Variants in MATR3 observed in about 807,000 individuals in gnomAD.
The protein encoded by MATR3 is matrin-3.
Under a neutral mutation model 85.5 loss-of-function variants are expected in MATR3, and 4 were observed. The observed-to-expected ratio is 0.05, with a 90% CI of 0.02 to 0.11. The LOEUF (loss-of-function observed/expected upper bound fraction) is 0.11, where lower values mean the gene tolerates loss of function less well. Ranked by LOEUF, MATR3 falls within the 10% of genes least tolerant of loss-of-function variation. The probability of loss-of-function intolerance (pLI) is 1.00; values close to 1 mark genes in which losing one functional copy is unlikely to be tolerated. For synonymous variants in MATR3, 336 were observed against 343.1 expected, an observed-to-expected ratio of 0.98 and a Z score of 0.23; for missense variants, 685 against 1,016.1, an observed-to-expected ratio of 0.67 and a Z score of 4.43.
At chr5:139,325,019 G>A (rs1045765808) in intron 12 of MATR3, among the ~76,000 whole-genome samples, 10 of 151,840 alleles carry the variant, frequency 6.6e-5, no homozygotes, top group African/African-American at 1.5e-4. Context: ...GTGAAACCCC[G>A]TCTCTACTAA....
chr5:139,316,355 C>G (rs1354653495), intron 5 of MATR3, among the ~76,000 whole-genome samples, 167 bp downstream of exon 5: 1 of 152,146 alleles, frequency 6.6e-6, no homozygotes, highest in Admixed American at 6.5e-5. Flanking sequence ...AAGCAGTTCT[C>G]CTGCTTCAGC....
At chr5:139,299,545 C>T (rs1165800446) in intron 1 of MATR3, among the ~76,000 whole-genome samples, 6 of 152,126 alleles carry the variant, frequency 3.9e-5, no homozygotes, top group Non-Finnish European at 4.4e-5. Context: ...TATAGTGGTG[C>T]ATGCCTGTGG....
At chr5:139,315,991 T>C (rs2054626612) in intron 4 of MATR3, 85 bp from the exon 5 acceptor site, 1 of 1,024,748 alleles carries the variant, frequency 9.8e-7, no homozygotes, top group Non-Finnish European at 1.6e-6. Flanking sequence ...TGTGGTCATA[T>C]ATTGGGGTGC....
At chr5:139,320,743 C>CT (rs1175972721) in intron 9 of MATR3, among the ~76,000 whole-genome samples, 1,613 of 102,434 alleles carry the variant, frequency 0.016, 107 homozygotes, top group East Asian at 0.036. Flanking sequence ...AAGCTTATTA[C>CT]TTTTTTTTTT....
chr5:139,294,099 A>T, intron 1 of MATR3: 1 of 1,242,730 alleles, frequency 8.0e-7, no homozygotes. Context: ...TTGGGTGAAG[A>T]GGTGCGCTGA....
rs948537324 is a variant in MATR3 at position 139,322,660 on chromosome 5, G to A, written c.1841G>A (p.Gly614Asp). Reference protein sequence around the residue: ...SPSDKKSKTDGSQKTESSTEG... With the variant: ...SPSDKKSKTDDSQKTESSTEG... ...AGTGATAAGAAATCCAAAACTGATGGTTCCCAGAAGACTGAGAGTTCAACC... is the reference window on the plus strand; with the variant it reads ...AGTGATAAGAAATCCAAAACTGATGATTCCCAGAAGACTGAGAGTTCAACC... Residue 614 changes from glycine (G) to aspartate (D), a missense_variant, in exon 12 of 15, where the codon GGT (glycine) becomes GAT (aspartate). Gly to Asp is a moderately conservative substitution (Grantham distance 94). This residue lies in a region of MATR3 where 215 missense variants were observed against 194.7 expected (regional missense o/e 1.10). Coordinates refer to ENST00000394805, the MANE Select transcript of MATR3 (RefSeq NM_018834.6). 1.2e-6 allele frequency: 2 copies of A among 1,614,110 alleles called. No individual in the cohort carries two copies. The highest frequency in any genetic ancestry group is 2.2e-5 in the South Asian group (2 of 91,074).
chr5:139,310,668 G>A (rs772441516), intron 2 of MATR3: 6 of 152,140 alleles, frequency 3.9e-5, no homozygotes, highest in Admixed American at 1.3e-4. Flanking sequence ...TTACTGTGAA[G>A]TAAGAAACTT....
chr5:139,327,215 G>A (rs1206533494), intron 14 of MATR3, among the ~76,000 whole-genome samples: 1 of 151,612 alleles, frequency 6.6e-6, no homozygotes, highest in East Asian at 1.9e-4. Context: ...TAGTTACTCA[G>A]TCATTAGATA....
chr5:139,292,072 C>T (rs1274301207), upstream of MATR3: 1 of 151,316 alleles, frequency 6.6e-6, no homozygotes, highest in East Asian at 1.9e-4. Flanking sequence ...TCCTCCGTAC[C>T]AGGTGAGTAG....
intron 14 of MATR3, among the ~76,000 whole-genome samples, chr5:139,327,774 A>G (rs576494065): frequency 7.5e-4 from 114 of 152,140 alleles, no homozygotes; most frequent in Admixed American, 1.4e-3. Flanking sequence ...GTCAAAAACT[A>G]TATGTATTGT....
chr5:139,325,062 G>A (rs1488818852), intron 12 of MATR3, among the ~76,000 whole-genome samples: 2 of 151,974 alleles, frequency 1.3e-5, no homozygotes, highest in South Asian at 2.1e-4. Flanking sequence ...GCGTGGTGGC[G>A]TGCGCCTGTA....
In MATR3 at chr5:139,318,965, A is replaced by G. The variant is rs748098389; in HGVS notation, c.1366A>G (p.Thr456Ala). ...DAQAAVDYYTTTPALVFGKPV... is the reference protein window; with the variant it reads ...DAQAAVDYYTATPALVFGKPV... ...TCAGGCCGCAGTGGATTATTACACA[A>G]CCACACCAGCGTTAGTATTTGGCAA... Residue 456 changes from threonine to alanine, a missense_variant, in exon 8 of 15, where the codon ACC becomes GCC. Thr to Ala is a moderately conservative substitution (Grantham distance 58, BLOSUM62 0). This residue lies in a region of MATR3 where 32 missense variants were observed against 88.0 expected (regional missense o/e 0.36). Transcript: ENST00000394805. The G allele has an allele frequency of 3.7e-6, 6 of 1,613,938 alleles. No individual in the cohort carries two copies. In the African/African-American group the frequency reaches 8.0e-5, roughly 22 times the overall value.
intron 2 of MATR3, chr5:139,313,619 C>A (rs1032236990): frequency 6.6e-6 from 1 of 152,074 alleles, no homozygotes. Flanking sequence ...ATAAGAGTTA[C>A]TTCAATTTAA....
chr5:139,314,821 G>C (rs942472980), intron 3 of MATR3, 85 bp downstream of exon 3: 10 of 1,191,568 alleles, frequency 8.4e-6, no homozygotes, highest in Admixed American at 5.3e-5. Flanking sequence ...TCATTTACTT[G>C]TAATATCCAC....
chr5:139,307,599 T>C lies in MATR3; in HGVS notation c.184T>C (p.Ser62Pro), dbSNP rs1357612214. 2.5e-6 allele frequency: 4 copies of C among 1,614,068 alleles called. No homozygotes were observed. The highest frequency in any genetic ancestry group is 3.4e-6 in the Non-Finnish European group (4 of 1,180,034). ...LASLMNLGMS[S>P]SLNQQGAHSA... ...TAGTTTAATGAATCTTGGAATGAGTTCTTCATTGAATCAACAAGGAGCTCA... is the reference window on the plus strand; with the variant it reads ...TAGTTTAATGAATCTTGGAATGAGTCCTTCATTGAATCAACAAGGAGCTCA... Residue 62 changes from serine (S) to proline (P), a missense_variant, in exon 2 of 15, where the codon TCT becomes CCT. By Grantham distance (74) the Ser-to-Pro change is moderately conservative. Around this residue, in one of 9 missense-constraint regions of MATR3, gnomAD observed 57 missense variants for 68.6 expected, o/e 0.83. Transcript: ENST00000394805. The surrounding 1 kb of genome is among the most constrained non-coding windows in gnomAD (Gnocchi z 4.4).
chr5:139,322,944 G>A lies in MATR3; in HGVS notation c.2125G>A (p.Ala709Thr), dbSNP rs563901227. ...AVKKDGSASA[A>T]AKKKLKKVDK... is the part of the protein sequence containing the mutation. ...GAAAAAAGATGGAAGTGCTTCAGCA[G>A]CAGCAAAGAAAAAGCTTAAAAAGGT... Residue 709 changes from alanine to threonine, a missense_variant, in exon 12 of 15, where the codon GCA becomes ACA. Coordinates refer to ENST00000394805, the MANE Select transcript of MATR3 (RefSeq NM_018834.6). 6 of 1,614,020 alleles carry A rather than the reference G, an allele frequency of 3.7e-6. No individual in the cohort carries two copies. The highest frequency in any genetic ancestry group is 1.1e-5 in the South Asian group (1 of 91,070).
In MATR3 at chr5:139,307,327, C is replaced by G; in HGVS notation, c.-89C>G. 6.6e-7 allele frequency: 1 copy of G among 1,525,774 alleles called. No individual in the cohort carries two copies. Among genetic ancestry groups the G allele is most frequent in the Non-Finnish European group, 8.7e-7 (1 of 1,147,000 alleles). The allele number at this position is 1,525,774 out of a possible 1,614,324, so 94.5% of individuals were successfully genotyped here. A position where few individuals can be genotyped will look rare whatever the true frequency, so the allele number is the denominator to read the frequency against. ...GTTACCATTTTTGAAGCAAAGTTAACCTAGCTTTCTAGTTTGAGCTTTCTT... is the reference window on the plus strand; with the variant it reads ...GTTACCATTTTTGAAGCAAAGTTAAGCTAGCTTTCTAGTTTGAGCTTTCTT... On this transcript the variant is annotated 5_prime_UTR_variant, in exon 2 of 15. Transcript: ENST00000394805. This position sits in a 1 kb window ranked among gnomAD's most constrained non-coding sequence, Gnocchi z 4.4.
At chr5:139,319,130 G>C in intron 8 of MATR3, 97 bp downstream of exon 8, 2 of 1,400,606 alleles carry the variant, frequency 1.4e-6, no homozygotes, top group Non-Finnish European at 2.0e-6. Flanking sequence ...GGCCAGGTGT[G>C]GTGGCTCACG....
chr5:139,321,603 C>T (rs1302366540), intron 9 of MATR3, among the ~76,000 whole-genome samples: 6 of 151,996 alleles, frequency 3.9e-5, no homozygotes, highest in Admixed American at 2.6e-4. Flanking sequence ...GGCAACATGG[C>T]GAAACTGCAC....
Sources: allele counts gnomAD v4.1 joint callset (sites outside exome capture counted in the v4.1 genomes callset), GRCh38; gene constraint gnomAD v4.1.1; regional missense constraint gnomAD v4.1.1; non-coding constraint Gnocchi (gnomAD v3.1); transcripts MANE v1.5; gene names NCBI Gene and HGNC (gene_info 2026-07-23, HGNC 2026-07-21).